PLA2G4E: variants seen among roughly 807,000 people sequenced by gnomAD.
PLA2G4E encodes phospholipase A2 group IVE.
A neutral mutation model predicts 109.1 loss-of-function variants in PLA2G4E; 84 were observed. The observed-to-expected ratio is 0.77, with a 90% CI of 0.65 to 0.92. PLA2G4E has a LOEUF of 0.92. Among genes scored for constraint, PLA2G4E ranks in the 40% least tolerant of loss-of-function variants. The pLI, the probability that PLA2G4E is intolerant of heterozygous loss-of-function variation, is 0.00. For synonymous variants in PLA2G4E, 469 were observed against 436.1 expected (o/e 1.08, Z -0.94); for missense variants, 1,057 against 1,076.6 (o/e 0.98, Z 0.25).
At chr15:41,997,015 G>T in intron 11 of PLA2G4E, 109 bp downstream of exon 11, 1 of 1,354,652 alleles carries the variant, frequency 7.4e-7, no homozygotes. Context: ...AGCAGTAAAA[G>T]CATCCATGGA....
chr15:42,012,844 T>A (rs12439430), intron 2 of PLA2G4E, among the ~76,000 whole-genome samples: 1 of 152,104 alleles, frequency 6.6e-6, no homozygotes, highest in African/African-American at 2.4e-5. Flanking sequence ...GTCATTCCTG[T>A]GTGGTTACCG....
intron 1 of PLA2G4E, chr15:42,050,494 A>G: frequency 6.5e-7 from 1 of 1,542,940 alleles, no homozygotes; most frequent in East Asian, 2.5e-5. Context: ...AAGGGACCAG[A>G]CCCCCCTCCC....
chr15:42,014,650 C>T (rs532219097), intron 1 of PLA2G4E, among the ~76,000 whole-genome samples: 4 of 152,206 alleles, frequency 2.6e-5, no homozygotes, highest in African/African-American at 4.8e-5. Flanking sequence ...TTAGCTCCAG[C>T]CCAGGCCTTT....
exon 17 of PLA2G4E, chr15:41,987,191 G>A (rs770589897): frequency 3.1e-6 from 5 of 1,613,948 alleles, no homozygotes; most frequent in Non-Finnish European, 4.2e-6. Context: ...TAGAGAACTG[G>A]CCATTCTGGA....
intron 13 of PLA2G4E, among the ~76,000 whole-genome samples, chr15:41,992,389 T>C (rs1364395032): frequency 2.0e-5 from 3 of 152,238 alleles, no homozygotes; most frequent in African/African-American, 7.2e-5. Flanking sequence ...TCCCCACCCC[T>C]AGGGTCAGAC....
At chr15:42,008,087 T>C (rs1239031430) in intron 2 of PLA2G4E, among the ~76,000 whole-genome samples, 1 of 152,204 alleles carries the variant, frequency 6.6e-6, no homozygotes, top group Non-Finnish European at 1.5e-5. Flanking sequence ...GCCATTCTCA[T>C]AGACACAGAT....
rs1555387037 is a variant in PLA2G4E, at chr15:42,010,142, C to CCG, written c.257-2278_257-2277insCG. ...TTTTCCAGAACACTGGCCCCCCCAC[C>CCG]CCGGGCCTGGACCACACCCTTCAGG... On this transcript the variant is annotated intron_variant, in intron 2 of 19. Transcript: ENST00000399518. 223 of 459,122 alleles carry CCG rather than the reference C, an allele frequency of 4.9e-4. 2 individuals are homozygous for CCG. Among genetic ancestry groups the CCG allele is most frequent in the South Asian group, 1.9e-3 (98 of 52,678 alleles). 28.4% of individuals were successfully genotyped at this position (459,122 alleles called of 1,614,324 possible).
intron 1 of PLA2G4E, among the ~76,000 whole-genome samples, chr15:42,044,784 T>TA (rs142655020): frequency 0.19 from 27,251 of 146,436 alleles, 2,548 homozygotes; most frequent in South Asian, 0.33. Flanking sequence ...TAAAGTATAA[T>TA]AAAAAAAAAA....
At chr15:42,003,852 G>A (rs147042524) in intron 5 of PLA2G4E, among the ~76,000 whole-genome samples, 249 of 150,028 alleles carry the variant, frequency 1.7e-3, no homozygotes, top group African/African-American at 5.8e-3. Context: ...CCGGCCTGAG[G>A]CGGGGGTTGC....
At chr15:42,035,066 G>T (rs1486967378) in intron 1 of PLA2G4E, among the ~76,000 whole-genome samples, 1 of 152,168 alleles carries the variant, frequency 6.6e-6, no homozygotes, top group East Asian at 1.9e-4. Context: ...AGTCCCTTAT[G>T]CCTTTAAATT....
At chr15:42,045,172 GGGCAA>G (rs1566853349) in intron 1 of PLA2G4E, among the ~76,000 whole-genome samples, 1 of 152,188 alleles carries the variant, frequency 6.6e-6, no homozygotes, top group East Asian at 1.9e-4. Context: ...CTTGAGTTAG[GGGCAA>G]GGTTTGGAAA....
intron 13 of PLA2G4E, among the ~76,000 whole-genome samples, chr15:41,992,130 C>T (rs746049747): frequency 3.3e-5 from 5 of 152,246 alleles, no homozygotes; most frequent in East Asian, 3.9e-4. Context: ...GCCATGAGAA[C>T]GGGCCCTGCA....
chr15:41,987,478 G>A, intron 16 of PLA2G4E, 103 bp from the exon 17 acceptor site: 1 of 1,091,462 alleles, frequency 9.2e-7, no homozygotes. Context: ...GGTGAGCACT[G>A]TAAAAGCAGC....
At chr15:42,025,009 GCTAA>G (rs1352356819) in intron 1 of PLA2G4E, among the ~76,000 whole-genome samples, 1 of 151,950 alleles carries the variant, frequency 6.6e-6, no homozygotes, top group Non-Finnish European at 1.5e-5. Flanking sequence ...GACCATCCTG[GCTAA>G]CACAGTGAAA....
chr15:42,026,145 TA>T (rs34660461), intron 1 of PLA2G4E, among the ~76,000 whole-genome samples: 25 of 151,248 alleles, frequency 1.7e-4, no homozygotes, highest in African/African-American at 5.8e-4. Flanking sequence ...AAAATCACTT[TA>T]AAAAAAAAGA....
Position 42,005,538 on chromosome 15 carries a change from G to A in PLA2G4E, c.525+452C>T, listed in dbSNP as rs201546538. On this transcript the variant is annotated intron_variant, in intron 4 of 19. Transcript: ENST00000399518. ...CAAATGCTGGCAGAATGATTGAATT[G>A]ACAGCATCCTGGGGGCTCCAGCTCT... Among the ~76,000 whole-genome samples the A allele has an allele frequency of 4.6e-5, 7 of 152,232 alleles. No homozygotes were observed. The East Asian group carries it at 1.3e-3, about 29-fold the overall frequency.
At chr15:42,024,798 G>C (rs1355577783) in intron 1 of PLA2G4E, among the ~76,000 whole-genome samples, 1 of 152,164 alleles carries the variant, frequency 6.6e-6, no homozygotes, top group Non-Finnish European at 1.5e-5. Context: ...ACAAACTCTG[G>C]ATTCCAATAC....
At chr15:41,991,037 G>A (rs572970797) in intron 13 of PLA2G4E, among the ~76,000 whole-genome samples, 11 of 152,254 alleles carry the variant, frequency 7.2e-5, no homozygotes, top group Admixed American at 2.6e-4. Context: ...TGACATGTGG[G>A]TCTCCTTTGA....
intron 12 of PLA2G4E, among the ~76,000 whole-genome samples, chr15:41,994,307 G>GC (rs202177407): frequency 6.6e-6 from 1 of 151,846 alleles, no homozygotes; most frequent in Non-Finnish European, 1.5e-5. Context: ...GCCCCCCGGG[G>GC]GGGTGTGTGG....
Sources: gnomAD v4.1 joint callset for allele counts (sites outside exome capture counted in the v4.1 genomes callset) on GRCh38, gnomAD v4.1.1 for gene constraint, MANE v1.5 for transcripts, NCBI Gene and HGNC (gene_info 2026-07-23, HGNC 2026-07-21) for gene names.